Variants in BIRC2 observed in about 807,000 individuals in gnomAD.
The protein encoded by BIRC2 is baculoviral IAP repeat-containing protein 2.
BIRC2 carries 18 observed loss-of-function variants against 60.9 expected under a neutral mutation model. The observed-to-expected ratio is 0.30, with a 90% CI of 0.20 to 0.44. The LOEUF (loss-of-function observed/expected upper bound fraction) is 0.44. Ranked by LOEUF, BIRC2 falls within the 20% of genes least tolerant of loss-of-function variation. The pLI is 1.00. For synonymous variants in BIRC2, 282 were observed against 247.7 expected, an observed-to-expected ratio of 1.14 and a Z score of -1.30; for missense variants, 701 against 728.5, an observed-to-expected ratio of 0.96 and a Z score of 0.43.
Position 102,350,108 on chromosome 11 carries a change from G to A in BIRC2, c.254G>A (p.Cys85Tyr), listed in dbSNP as rs549630656. 1.2e-6 allele frequency: 2 copies of A among 1,614,220 alleles called. No individual in the cohort carries two copies. The highest frequency in any genetic ancestry group is 1.7e-6 in the Non-Finnish European group (2 of 1,180,032). The change falls in exon 2 of 9, where the codon TGT becomes TAT. Residue 85 changes from cysteine (C) to tyrosine (Y), a missense_variant. Cys to Tyr is a radical substitution (Grantham distance 194). Transcript: ENST00000227758. The part of the protein sequence containing the change: ...TGVNDKVKCF[C>Y]CGLMLDNWKL... ...GTGAATGACAAGGTCAAATGCTTCT[G>A]TTGTGGCCTGATGCTGGATAACTGG...
At chr11:102,352,183 G>A (rs905993022) in intron 3 of BIRC2, among the ~76,000 whole-genome samples, 2 of 150,386 alleles carry the variant, frequency 1.3e-5, no homozygotes, top group African/African-American at 4.9e-5. Context: ...GCGCGATCTC[G>A]GCTCACTGTA....
Position 102,350,481 on chromosome 11 carries a change from T to G in BIRC2, c.627T>G (p.Phe209Leu). ...LSPSELARAGFYYIGPGDRVA... is the reference protein window; with the variant it reads ...LSPSELARAGLYYIGPGDRVA... ...CATCAGAATTGGCAAGAGCTGGTTT[T>G]TATTATATAGGACCTGGAGATAGGG... Residue 209 changes from phenylalanine (F) to leucine (L), a missense_variant, in exon 2 of 9, where the codon TTT (phenylalanine) becomes TTG (leucine). By Grantham distance (22) the Phe-to-Leu change is conservative (BLOSUM62 0). This residue lies in a region of BIRC2 where 375 missense variants were observed against 365.9 expected (regional missense o/e 1.02). Transcript: ENST00000227758. The G allele has an allele frequency of 6.2e-7, 1 of 1,614,188 alleles. No individual in the cohort carries two copies. Among genetic ancestry groups the G allele is most frequent in the Non-Finnish European group, 8.5e-7 (1 of 1,180,034 alleles).
rs544278821 is a variant in BIRC2 at position 102,348,629 on chromosome 11, A to G, written c.-1226A>G. ...AACCCTGAAGAATCTCCCTATCCCTATTTTGTCCCCCTGCAGTAATAAATC... is the reference window on the plus strand; with the variant it reads ...AACCCTGAAGAATCTCCCTATCCCTGTTTTGTCCCCCTGCAGTAATAAATC... On this transcript the variant is annotated 5_prime_UTR_variant, in exon 2 of 9. Coordinates refer to ENST00000227758, the MANE Select transcript of BIRC2 (RefSeq NM_001166.5). The G allele has an allele frequency of 3.9e-4, 108 of 279,988 alleles. No individual in the cohort carries two copies. The highest frequency in any genetic ancestry group is 2.3e-3 in the African/African-American group (102 of 43,480). The allele number at this position is 279,988 out of a possible 1,614,324, so 17.3% of individuals were successfully genotyped here.
Position 102,377,613 on chromosome 11 carries a change from T to C in BIRC2, c.1484T>C (p.Ile495Thr), listed in dbSNP as rs137930715. 1.2e-6 allele frequency: 2 copies of C among 1,611,880 alleles called. No individual in the cohort carries two copies. The highest frequency in any genetic ancestry group is 1.7e-6 in the Non-Finnish European group (2 of 1,179,390). ...ANVINKQEHD[I>T]IKQKTQIPLQ... ...GTAATTAATAAACAGGAACATGATA[T>C]TATTAAACAAAAAACACAGATACCT... Residue 495 changes from isoleucine to threonine, a missense_variant, in exon 7 of 9, where the codon ATT becomes ACT. Physicochemically the swap from Ile to Thr is moderately conservative, Grantham distance 89. This residue lies in a region of BIRC2 where 235 missense variants were observed against 208.9 expected (regional missense o/e 1.12). Transcript: ENST00000227758.
rs772534458 is a variant in BIRC2 at position 102,368,502 on chromosome 11, A to G, written c.1320A>G (p.Glu440=). Residue 440 remains glutamate (E), a synonymous_variant, in exon 6 of 9, where the codon GAA becomes GAG. Transcript: ENST00000227758. ...CAGCACTTCTTAATGCTGAAGATGA[A>G]AAAAGAGAAGAGGAGAAGGAAAAAC... ...IVSALLNAED[E]KREEEKEKQA... The G allele has an allele frequency of 6.2e-7, 1 of 1,613,880 alleles. No homozygotes were observed. The highest frequency in any genetic ancestry group is 2.2e-5 in the East Asian group (1 of 44,844).
At position 102,374,230 on chromosome 11, in the gene BIRC2, A is replaced by G. The variant is rs1261150508; in HGVS notation, c.1367-3266A>G. Among the ~76,000 whole-genome samples the G allele has an allele frequency of 5.3e-4, 80 of 151,466 alleles. 1 individual carries two copies. The highest frequency in any genetic ancestry group is 3.7e-3 in the Admixed American group (56 of 15,228). On this transcript the variant is annotated intron_variant, in intron 6 of 8. Coordinates refer to ENST00000227758, the MANE Select transcript of BIRC2 (RefSeq NM_001166.5). ...TGGTGAGGAACTGCGTTCCTTTGGA[A>G]GAGGAGAGGCGCTCTGCGTTTTAGA...
intron 6 of BIRC2, among the ~76,000 whole-genome samples, chr11:102,369,728 A>T (rs1473278447): frequency 6.7e-6 from 1 of 148,820 alleles, no homozygotes; most frequent in Non-Finnish European, 1.5e-5. Flanking sequence ...TAGATCCCTG[A>T]GGAATCGCCA....
intron 3 of BIRC2, among the ~76,000 whole-genome samples, chr11:102,359,632 T>C (rs1360301499): frequency 1.3e-5 from 2 of 152,232 alleles, no homozygotes; most frequent in Non-Finnish European, 2.9e-5. Context: ...CTGGTAGTTT[T>C]GTCTTTCAGC....
chr11:102,374,999 G>A (rs1398222176), intron 6 of BIRC2, among the ~76,000 whole-genome samples: 2 of 152,220 alleles, frequency 1.3e-5, no homozygotes, highest in Non-Finnish European at 2.9e-5. Flanking sequence ...CTTCCCAAGT[G>A]TGGCAATGCC....
At chr11:102,367,311 T>G (rs999845266) in intron 5 of BIRC2, among the ~76,000 whole-genome samples, 2 of 146,516 alleles carry the variant, frequency 1.4e-5, no homozygotes, top group African/African-American at 2.5e-5. Context: ...TTATTTTCTG[T>G]TTTTTTTTTT....
At chr11:102,357,897 A>G (rs1364639948) in intron 3 of BIRC2, among the ~76,000 whole-genome samples, 4 of 151,904 alleles carry the variant, frequency 2.6e-5, no homozygotes, top group Non-Finnish European at 5.9e-5. Context: ...TCCTTTTAGA[A>G]CTGCATTTGT....
chr11:102,350,584 T>C lies in BIRC2; in HGVS notation c.730T>C (p.Phe244Leu). ...TGCTATGTCAGAACACCGGAGGCAT[T>C]TTCCCAACTGTCCATTTTTGGAAAA... is the stretch of plus-strand genomic sequence containing the variant. ...DDAMSEHRRH[F>L]PNCPFLENSL... Residue 244 changes from phenylalanine (F) to leucine (L), a missense_variant, in exon 2 of 9, where the codon TTT becomes CTT. Coordinates refer to ENST00000227758, the MANE Select transcript of BIRC2 (RefSeq NM_001166.5). 1 of 1,614,168 alleles carries C rather than the reference T, an allele frequency of 6.2e-7. No individual in the cohort carries two copies. Among genetic ancestry groups the C allele is most frequent in the Non-Finnish European group, 8.5e-7 (1 of 1,180,032 alleles).
Position 102,350,076 on chromosome 11 carries a change from T to C in BIRC2, c.222T>C (p.Tyr74=). The C allele has an allele frequency of 1.2e-6, 2 of 1,614,236 alleles. No homozygotes were observed. The highest frequency in any genetic ancestry group is 1.7e-6 in the Non-Finnish European group (2 of 1,180,038). The part of the protein sequence containing the change: ...ERSLARAGFY[Y]TGVNDKVKCF... ...GTCTTGCTCGTGCTGGTTTTTATTA[T>C]ACTGGTGTGAATGACAAGGTCAAAT... Residue 74 remains tyrosine, a synonymous_variant, in exon 2 of 9, where the codon TAT becomes TAC. Coordinates refer to ENST00000227758, the MANE Select transcript of BIRC2 (RefSeq NM_001166.5).
chr11:102,350,494 C>A lies in BIRC2; in HGVS notation c.640C>A (p.Pro214Thr). The change falls in exon 2 of 9, where the codon CCT becomes ACT. Residue 214 changes from proline (P) to threonine (T), a missense_variant. Physicochemically the swap from Pro to Thr is conservative, Grantham distance 38 (BLOSUM62 -1). Transcript: ENST00000227758. Reference sequence around the variant, plus strand: ...AAGAGCTGGTTTTTATTATATAGGACCTGGAGATAGGGTAGCCTGCTTTGC... The same window carrying A: ...AAGAGCTGGTTTTTATTATATAGGAACTGGAGATAGGGTAGCCTGCTTTGC... ...LARAGFYYIGPGDRVACFACG... is the reference protein window; with the variant it reads ...LARAGFYYIGTGDRVACFACG... The A allele has an allele frequency of 6.2e-7, 1 of 1,614,116 alleles. No individual in the cohort carries two copies. The highest frequency in any genetic ancestry group is 8.5e-7 in the Non-Finnish European group (1 of 1,180,030).
chr11:102,360,167 A>G (rs1459062420), intron 3 of BIRC2, among the ~76,000 whole-genome samples: 1 of 151,860 alleles, frequency 6.6e-6, no homozygotes, highest in Non-Finnish European at 1.5e-5. Flanking sequence ...GGGTTTTGCC[A>G]TGTTGGCCAG....
intron 5 of BIRC2, among the ~76,000 whole-genome samples, chr11:102,364,327 A>C (rs1951528381): frequency 6.6e-6 from 1 of 151,496 alleles, no homozygotes; most frequent in South Asian, 2.1e-4. Flanking sequence ...TAAGCAAAAG[A>C]AAAACAAAAA....
intron 6 of BIRC2, among the ~76,000 whole-genome samples, chr11:102,372,438 T>C (rs560252567): frequency 2.0e-5 from 3 of 152,330 alleles, no homozygotes; most frequent in African/African-American, 7.2e-5. Flanking sequence ...CCAGTAGTCA[T>C]TCAGGAGCAG....
chr11:102,374,427 GT>G (rs1432962394), intron 6 of BIRC2, among the ~76,000 whole-genome samples: 4 of 147,540 alleles, frequency 2.7e-5, no homozygotes, highest in African/African-American at 7.6e-5. Flanking sequence ...ATACCCTGCC[GT>G]GTGAGGTGTC....
chr11:102,374,966 A>G (rs1250027518), intron 6 of BIRC2, among the ~76,000 whole-genome samples: 1 of 152,210 alleles, frequency 6.6e-6, no homozygotes, highest in African/African-American at 2.4e-5. Flanking sequence ...TGACTCGGAA[A>G]GGGAACTCCT....
Sources: allele counts gnomAD v4.1 joint callset (sites outside exome capture counted in the v4.1 genomes callset), GRCh38; gene constraint gnomAD v4.1.1; regional missense constraint gnomAD v4.1.1; transcripts MANE v1.5; gene names NCBI Gene and HGNC (gene_info 2026-07-23, HGNC 2026-07-21).